The following PHKG1 variants were observed in gnomAD, a reference collection of about 807,000 sequenced individuals.
PHKG1 encodes phosphorylase kinase catalytic subunit gamma 1.
In PHKG1, 48 loss-of-function variants were observed where a neutral mutation model predicts 50.5. The ratio of observed to expected loss-of-function variants is 0.95; its 90% CI spans 0.75 to 1.21. PHKG1 has a LOEUF of 1.21. PHKG1 is among the 50% of genes most tolerant of loss of function. The pLI is 0.00. For synonymous variants in PHKG1, 204 were observed against 212.8 expected, an observed-to-expected ratio of 0.96 and a Z score of 0.36; for missense variants, 487 against 519.5, an observed-to-expected ratio of 0.94 and a Z score of 0.61.
Position 56,088,852 on chromosome 7 carries a change from G to C in PHKG1, c.83+7C>G, listed in dbSNP as rs1323039735. 2 of 1,607,348 alleles carry C rather than the reference G, an allele frequency of 1.2e-6. No homozygotes were observed. The highest frequency in any genetic ancestry group is 1.7e-6 in the Non-Finnish European group (2 of 1,175,006). On this transcript the variant is annotated splice_region_variant and intron_variant, in intron 2 of 9. Coordinates refer to ENST00000297373, the MANE Select transcript of PHKG1 (RefSeq NM_006213.5). ...ACAGCACTTCGTGGGGAAAGCTTGG[G>C]CTTTACCTGCCCAGGATCTCTTTGG...
At chr7:56,083,131 GAAAA>G (rs914341032) in intron 6 of PHKG1, 143 bp downstream of exon 6, 3 of 623,698 alleles carry the variant, frequency 4.8e-6, no homozygotes, top group Non-Finnish European at 7.9e-6. Context: ...GAAAGAAAAA[GAAAA>G]AAAAATCCCT....
At chr7:56,085,942 C>A (rs1200697857) in intron 4 of PHKG1, among the ~76,000 whole-genome samples, 2 of 149,990 alleles carry the variant, frequency 1.3e-5, no homozygotes, top group Admixed American at 1.3e-4. Context: ...CCACTATACT[C>A]CAGCCTGGGC....
rs1348416907 is a variant in PHKG1, at chr7:56,081,479, C to CA, written c.918+150dup. ...CTCAGGGACCGAGCCAGTGGGCTGA[C>CA]ACCTGCCGTCTTTGAAGCCATCACA... On this transcript the variant is annotated intron_variant, in intron 9 of 9. Transcript: ENST00000297373. This position sits in a 1 kb window ranked among gnomAD's most constrained non-coding sequence, Gnocchi z 4.6. 10 of 1,218,736 alleles carry CA rather than the reference C, an allele frequency of 8.2e-6. No individual in the cohort carries two copies. Among genetic ancestry groups the CA allele is most frequent in the Non-Finnish European group, 1.0e-5 (9 of 867,040 alleles). The allele number at this position is 1,218,736 out of a possible 1,614,324, so 75.5% of individuals were successfully genotyped here. A position where few individuals can be genotyped will look rare whatever the true frequency, so the allele number is the denominator to read the frequency against.
chr7:56,081,439 C>T lies in PHKG1; in HGVS notation c.919-140G>A. Reference sequence around the variant, plus strand: ...GGCCTTCCTAGTGTCCCCCACTTCCCACTTGGCCAGCATCCTCAGGGACCG... The same window carrying T: ...GGCCTTCCTAGTGTCCCCCACTTCCTACTTGGCCAGCATCCTCAGGGACCG... On this transcript the variant is annotated intron_variant, in intron 9 of 9. Coordinates refer to ENST00000297373, the MANE Select transcript of PHKG1 (RefSeq NM_006213.5). This position sits in a 1 kb window ranked among gnomAD's most constrained non-coding sequence, Gnocchi z 4.6. 2 of 1,298,560 alleles carry T rather than the reference C, an allele frequency of 1.5e-6. No individual in the cohort carries two copies. Among genetic ancestry groups the T allele is most frequent in the Non-Finnish European group, 2.1e-6 (2 of 954,884 alleles). 80.4% of individuals were successfully genotyped at this position (1,298,560 alleles called of 1,614,324 possible).
rs117210492 is a variant in PHKG1 at position 56,085,347 on chromosome 7, C to G, written c.317+1623G>C. ...TCCTGGCCTCAAGCAATCCTCCCAC[C>G]ACAGCCTCCCAAAGTGTTGAGATTA... On this transcript the variant is annotated intron_variant, in intron 4 of 9. Transcript: ENST00000297373. 7.4e-4 allele frequency among the ~76,000 whole-genome samples: 112 copies of G among 152,294 alleles called. 1 individual carries two copies. In the East Asian group the frequency reaches 0.019, roughly 25 times the overall value.
intron 4 of PHKG1, among the ~76,000 whole-genome samples, chr7:56,085,652 TAGTC>T (rs1457374825): frequency 6.6e-6 from 1 of 152,078 alleles, no homozygotes; most frequent in African/African-American, 2.4e-5. Flanking sequence ...CGTCCCTAGA[TAGTC>T]AGTGAGATCT....
intron 3 of PHKG1, 61 bp downstream of exon 3, chr7:56,087,537 G>C: frequency 2.6e-6 from 4 of 1,525,666 alleles, no homozygotes; most frequent in South Asian, 2.3e-5. Flanking sequence ...TCCCTGGCTT[G>C]GGCTGTCAGG....
At chr7:56,083,486 A>G (rs1480466179) in intron 5 of PHKG1, 45 bp from the exon 6 acceptor site, 2 of 1,604,654 alleles carry the variant, frequency 1.2e-6, no homozygotes, top group Admixed American at 1.7e-5. Flanking sequence ...GCTCAGGGTC[A>G]GGTAACAGGC....
chr7:56,086,160 T>C (rs1361143475), intron 4 of PHKG1, among the ~76,000 whole-genome samples: 1 of 151,728 alleles, frequency 6.6e-6, no homozygotes, highest in Non-Finnish European at 1.5e-5. Context: ...AGGAAGCCCC[T>C]GTCTCTTGCT....
At position 56,087,557 on chromosome 7, in the gene PHKG1, CA is replaced by C. The variant is rs779202603; in HGVS notation, c.262+40del. Reference sequence around the variant, plus strand: ...GGCTTGGGCTGTCAGGGCAGAATCACAGGGGGGCACCCTGCCGTGTGGCTTG... The same window carrying C: ...GGCTTGGGCTGTCAGGGCAGAATCACGGGGGGCACCCTGCCGTGTGGCTTG... On this transcript the variant is annotated intron_variant, in intron 3 of 9. Coordinates refer to ENST00000297373, the MANE Select transcript of PHKG1 (RefSeq NM_006213.5). 21 of 1,589,784 alleles carry C rather than the reference CA, an allele frequency of 1.3e-5. 1 individual carries two copies. In the South Asian group the frequency reaches 2.2e-4, roughly 17 times the overall value.
At chr7:56,084,001 G>T in intron 4 of PHKG1, 1 of 615,656 alleles carries the variant, frequency 1.6e-6, no homozygotes, top group Non-Finnish European at 2.9e-6. Context: ...TTTTTCCCCT[G>T]GAAAAATTTT....
chr7:56,083,158 G>C lies in PHKG1; in HGVS notation c.547+120C>G, dbSNP rs943948659. 3.5e-6 allele frequency: 3 copies of C among 851,898 alleles called. No homozygotes were observed. The African/African-American group carries it at 5.1e-5, about 15-fold the overall frequency. The allele number at this position is 851,898 out of a possible 1,614,324, so 52.8% of individuals were successfully genotyped here. A position where few individuals can be genotyped will look rare whatever the true frequency, so the allele number is the denominator to read the frequency against. ...AAAAAAAATCCCTAGCCCTTGAAAT[G>C]GTGGAATTTTTATTCCAGGGAACAA... On this transcript the variant is annotated intron_variant, in intron 6 of 9. Coordinates refer to ENST00000297373, the MANE Select transcript of PHKG1 (RefSeq NM_006213.5).
intron 3 of PHKG1, 99 bp from the exon 4 acceptor site, chr7:56,087,123 T>C (rs958711901): frequency 2.3e-6 from 2 of 859,922 alleles, no homozygotes; most frequent in African/African-American, 3.3e-5. Context: ...GTGGGCTAAC[T>C]TCAAAAGCTG....
intron 4 of PHKG1, among the ~76,000 whole-genome samples, chr7:56,086,419 T>A (rs1796254196): frequency 6.6e-6 from 1 of 152,276 alleles, no homozygotes; most frequent in Non-Finnish European, 1.5e-5. Context: ...ATGCCTGTAA[T>A]CCCAGCACTT....
At chr7:56,087,995 CTTT>C (rs34943237) in intron 2 of PHKG1, among the ~76,000 whole-genome samples, 40 of 97,040 alleles carry the variant, frequency 4.1e-4, no homozygotes, top group Non-Finnish European at 2.1e-4. Context: ...CCGTGTGACT[CTTT>C]TTTTTTTTTT....
chr7:56,081,834 G>A lies in PHKG1; in HGVS notation c.792+59C>T. ...TGTCAGGAAAGGCAGGGCCTCCCCG[G>A]GCAGGGGCGCCTGGCATCGCAGCCC... On this transcript the variant is annotated intron_variant, in intron 8 of 9. Transcript: ENST00000297373. The surrounding 1 kb of genome is among the most constrained non-coding windows in gnomAD (Gnocchi z 4.6). 6.2e-7 allele frequency: 1 copy of A among 1,609,254 alleles called. No individual in the cohort carries two copies. The highest frequency in any genetic ancestry group is 1.3e-5 in the African/African-American group (1 of 74,954).
chr7:56,087,579 G>A lies in PHKG1; in HGVS notation c.262+19C>T. On this transcript the variant is annotated intron_variant, in intron 3 of 9. Transcript: ENST00000297373. ...TCACAGGGGGGCACCCTGCCGTGTG[G>A]CTTGGGGCCATCACTCACTGATGTT... The A allele has an allele frequency of 6.2e-7, 1 of 1,607,860 alleles. No individual in the cohort carries two copies. Among genetic ancestry groups the A allele is most frequent in the Non-Finnish European group, 8.5e-7 (1 of 1,175,872 alleles).
intron 1 of PHKG1, among the ~76,000 whole-genome samples, chr7:56,089,509 A>G (rs1796407708): frequency 6.6e-6 from 1 of 151,926 alleles, no homozygotes; most frequent in Admixed American, 6.6e-5. Flanking sequence ...CCTGGGCTCA[A>G]GCGATCCTCA....
chr7:56,087,334 G>T (rs1796299479), intron 3 of PHKG1, among the ~76,000 whole-genome samples: 1 of 151,818 alleles, frequency 6.6e-6, no homozygotes, highest in Admixed American at 6.6e-5. Context: ...TGATGCTCCT[G>T]CTTCAGCCTC....
Sources: allele counts gnomAD v4.1 joint callset (sites outside exome capture counted in the v4.1 genomes callset), GRCh38; gene constraint gnomAD v4.1.1; non-coding constraint Gnocchi (gnomAD v3.1); transcripts MANE v1.5; gene names NCBI Gene and HGNC (gene_info 2026-07-23, HGNC 2026-07-21).